GPM6A: variants seen among roughly 807,000 people sequenced by gnomAD.
The protein encoded by GPM6A is glycoprotein M6A.
GPM6A carries 7 observed loss-of-function variants against 32.1 expected under a neutral mutation model. That is an observed-to-expected ratio of 0.22 (90% CI 0.12 to 0.41). GPM6A has a LOEUF of 0.41. Among genes scored for constraint, GPM6A ranks in the 10% least tolerant of loss-of-function variants. The probability of loss-of-function intolerance (pLI) is 1.00; values close to 1 mark genes in which losing one functional copy is unlikely to be tolerated. For synonymous variants in GPM6A, 130 were observed against 123.4 expected (o/e 1.05, Z -0.35); for missense variants, 235 against 347.2 (o/e 0.68, Z 2.57).
At chr4:175,648,749 T>A (rs552199769) in intron 4 of GPM6A, among the ~76,000 whole-genome samples, 6 of 152,130 alleles carry the variant, frequency 3.9e-5, no homozygotes, top group Non-Finnish European at 7.4e-5. Flanking sequence ...CAACACTGCA[T>A]CTTTCTGCCT....
chr4:175,784,359 C>G (rs1733718530), intron 1 of GPM6A, among the ~76,000 whole-genome samples: 1 of 152,026 alleles, frequency 6.6e-6, no homozygotes, highest in Admixed American at 6.6e-5. Context: ...TGGATTGTAT[C>G]CTAGAACATT....
chr4:175,868,048 C>T (rs73010141), intron 1 of GPM6A, among the ~76,000 whole-genome samples: 3,841 of 152,232 alleles, frequency 0.025, 150 homozygotes, highest in African/African-American at 0.085. Context: ...GAATATTGTG[C>T]CTTGTCCCCG....
At chr4:175,787,743 G>A (rs1733856852) in intron 1 of GPM6A, 7 of 322,968 alleles carry the variant, frequency 2.2e-5, no homozygotes, top group Non-Finnish European at 3.2e-5. Context: ...ATATTCACAA[G>A]CAATATAAAG....
At chr4:175,992,884 C>T (rs997143952) in intron 1 of GPM6A, among the ~76,000 whole-genome samples, 3 of 152,136 alleles carry the variant, frequency 2.0e-5, no homozygotes, top group Non-Finnish European at 4.4e-5. Flanking sequence ...TTAAAAAACT[C>T]AAATGCCATC....
intron 2 of GPM6A, among the ~76,000 whole-genome samples, chr4:175,676,442 A>C (rs1469655632): frequency 6.6e-6 from 1 of 152,216 alleles, no homozygotes; most frequent in Non-Finnish European, 1.5e-5. Flanking sequence ...ACGATATCTG[A>C]CAATGCTGGA....
rs371231360 is a variant in GPM6A, at chr4:175,644,455, C to G, written c.542-3626G>C. 8.6e-5 allele frequency among the ~76,000 whole-genome samples: 13 copies of G among 151,586 alleles called. No individual in the cohort carries two copies. The South Asian group carries it at 2.5e-3, about 29-fold the overall frequency. On this transcript the variant is annotated intron_variant, in intron 4 of 6. Transcript: ENST00000393658. ...GTATATGTGTATATATACACACACA[C>G]GCACACATAAAATAAAGTTTTTGTG...
At chr4:175,839,702 G>C (rs1174805831) in intron 1 of GPM6A, among the ~76,000 whole-genome samples, 2 of 152,064 alleles carry the variant, frequency 1.3e-5, no homozygotes, top group African/African-American at 4.8e-5. Context: ...GAATAGACTA[G>C]TCTTGAACAC....
At chr4:175,693,260 A>G (rs1470768114) in intron 2 of GPM6A, among the ~76,000 whole-genome samples, 1 of 149,640 alleles carries the variant, frequency 6.7e-6, no homozygotes, top group Non-Finnish European at 1.5e-5. Context: ...GCCTAAATAT[A>G]TATATATACA....
At chr4:175,740,794 G>C (rs1286883392) in intron 1 of GPM6A, among the ~76,000 whole-genome samples, 2 of 152,008 alleles carry the variant, frequency 1.3e-5, no homozygotes, top group Non-Finnish European at 2.9e-5. Context: ...GAGCATCTAA[G>C]ATAAACTAAA....
At chr4:175,704,557 A>G (rs1745068677) in intron 1 of GPM6A, among the ~76,000 whole-genome samples, 1 of 152,146 alleles carries the variant, frequency 6.6e-6, no homozygotes, top group Admixed American at 6.5e-5. Context: ...ATGTTCTACA[A>G]TTTCCACCTC....
intron 1 of GPM6A, among the ~76,000 whole-genome samples, chr4:175,910,031 C>CTG (rs1738264346): frequency 6.6e-6 from 1 of 152,116 alleles, no homozygotes; most frequent in South Asian, 2.1e-4. Flanking sequence ...TAAGCTGACC[C>CTG]TGACTTTCTG....
In GPM6A at chr4:175,990,644, T is replaced by G. The variant is rs1175272181; in HGVS notation, c.-23+11665A>C. Among the ~76,000 whole-genome samples, 3 of 93,108 alleles carry G rather than the reference T, an allele frequency of 3.2e-5. No homozygotes were observed. The East Asian group carries it at 1.1e-3, about 34-fold the overall frequency. 61.1% of individuals were successfully genotyped at this position (93,108 alleles called of 152,430 possible). On this transcript the variant is annotated intron_variant, in intron 1 of 7. Transcript: ENST00000280187. ...AAGGCTGCTTTTGGGGGTGAAGTAG[T>G]TTTTTTTTTTTTTTAACCAGGGAAT...
chr4:175,757,806 A>G (rs1177199033), intron 1 of GPM6A, among the ~76,000 whole-genome samples: 2 of 152,188 alleles, frequency 1.3e-5, no homozygotes, highest in Non-Finnish European at 2.9e-5. Context: ...AAGAAGGAAG[A>G]AGGGTAACAC....
chr4:175,753,709 G>T (rs545173084), intron 1 of GPM6A, among the ~76,000 whole-genome samples: 6 of 152,086 alleles, frequency 3.9e-5, no homozygotes, highest in African/African-American at 9.6e-5. Flanking sequence ...TCCAAATTCT[G>T]CTTTCTTTAC....
chr4:175,815,539 C>T (rs1735070174), upstream of GPM6A, among the ~76,000 whole-genome samples: 1 of 151,950 alleles, frequency 6.6e-6, no homozygotes, highest in Non-Finnish European at 1.5e-5. Context: ...AATACTCTTT[C>T]CATTGTATCG....
At chr4:175,884,210 T>C (rs968728397) in intron 1 of GPM6A, among the ~76,000 whole-genome samples, 1 of 152,204 alleles carries the variant, frequency 6.6e-6, no homozygotes, top group African/African-American at 2.4e-5. Flanking sequence ...ACTATAAATC[T>C]TTGTAAAACT....
chr4:175,995,376 TAAAAAA>T (rs10541049), intron 1 of GPM6A, among the ~76,000 whole-genome samples: 15 of 96,298 alleles, frequency 1.6e-4, no homozygotes, highest in African/African-American at 4.9e-4. Flanking sequence ...TTTCAATTTG[TAAAAAA>T]AAAAAAAAAA....
chr4:175,664,048 G>A (rs749019194), intron 3 of GPM6A, among the ~76,000 whole-genome samples: 8 of 152,154 alleles, frequency 5.3e-5, no homozygotes, highest in East Asian at 1.9e-4. Context: ...GAAATGATGC[G>A]GAGGAACCTT....
At chr4:175,990,324 AGAAAGCTTCTCTTGAT>A (rs1741099156) in intron 1 of GPM6A, among the ~76,000 whole-genome samples, 1 of 152,184 alleles carries the variant, frequency 6.6e-6, no homozygotes, top group African/African-American at 2.4e-5. Context: ...ATACTCATTC[AGAAAGCTTCTCTTGAT>A]GACTGCAGCC....
Sources: allele counts gnomAD v4.1 joint callset (sites outside exome capture counted in the v4.1 genomes callset), GRCh38; gene constraint gnomAD v4.1.1; transcripts MANE v1.5; gene names NCBI Gene and HGNC (gene_info 2026-07-23, HGNC 2026-07-21).